Variants in SH3GL2 observed in about 807,000 individuals in gnomAD.
The protein encoded by SH3GL2 is endophilin-A1.
A neutral mutation model predicts 46.0 loss-of-function variants in SH3GL2; 24 were observed. That is an observed-to-expected ratio of 0.52 (90% CI 0.38 to 0.73). SH3GL2 has a LOEUF of 0.73. Ranked by LOEUF, SH3GL2 falls within the 30% of genes least tolerant of loss-of-function variation. The probability of loss-of-function intolerance (pLI) is 0.00; values close to 1 mark genes in which losing one functional copy is unlikely to be tolerated. For synonymous variants in SH3GL2, 196 were observed against 147.1 expected, an observed-to-expected ratio of 1.33 and a Z score of -2.40; for missense variants, 413 against 424.2, an observed-to-expected ratio of 0.97 and a Z score of 0.23.
chr9:17,610,545 T>C (rs1241259317), intron 1 of SH3GL2, among the ~76,000 whole-genome samples: 1 of 152,230 alleles, frequency 6.6e-6, no homozygotes, highest in Non-Finnish European at 1.5e-5. Flanking sequence ...GAGTGCACAC[T>C]GCAATGGGAA....
At chr9:17,750,328 CAAAATGAAATAAATTAG>C (rs564112773) in intron 2 of SH3GL2, among the ~76,000 whole-genome samples, 1,526 of 152,052 alleles carry the variant, frequency 0.01, 16 homozygotes, top group Non-Finnish European at 0.017. Flanking sequence ...AATTAGATAA[CAAAATGAAATAAATTAG>C]AGGTTTGCTT....
intron 1 of SH3GL2, among the ~76,000 whole-genome samples, chr9:17,584,592 T>C (rs1818337826): frequency 6.6e-6 from 1 of 152,220 alleles, no homozygotes; most frequent in Non-Finnish European, 1.5e-5. Context: ...TACTGGGCTT[T>C]AGGATGCCTG....
intron 3 of SH3GL2, among the ~76,000 whole-genome samples, chr9:17,785,294 G>T (rs1370617295): frequency 6.6e-6 from 1 of 152,142 alleles, no homozygotes; most frequent in African/African-American, 2.4e-5. Context: ...TTTTAAAATA[G>T]ACTCTACCCT....
chr9:17,743,063 A>C (rs549342821), intron 1 of SH3GL2, among the ~76,000 whole-genome samples: 67 of 152,360 alleles, frequency 4.4e-4, no homozygotes, highest in African/African-American at 1.6e-3. Context: ...AAACAGTACC[A>C]GGTAAGGAGA....
rs529622803 is a variant in SH3GL2, at chr9:17,745,954, T to A, written c.46-1112T>A. On this transcript the variant is annotated intron_variant, in intron 1 of 8. Transcript: ENST00000380607. ...TACAATTAGGGTATTTTAAAGGGAA[T>A]GAAAAGGTCTTCGTGCCATTAACAT... Among the ~76,000 whole-genome samples, 12 of 152,348 alleles carry A rather than the reference T, an allele frequency of 7.9e-5. No homozygotes were observed. In the East Asian group the frequency reaches 1.7e-3, roughly 22 times the overall value.
intron 1 of SH3GL2, among the ~76,000 whole-genome samples, chr9:17,696,647 C>G (rs1424899665): frequency 6.6e-6 from 1 of 152,154 alleles, no homozygotes; most frequent in African/African-American, 2.4e-5. Flanking sequence ...TGAAAACTCA[C>G]TCACTATAAT....
Position 17,747,120 on chromosome 9 carries a change from A to C in SH3GL2, c.100A>C (p.Lys34Gln). The change falls in exon 2 of 9, where the codon AAA becomes CAA. Residue 34 changes from lysine to glutamine, a missense_variant. By Grantham distance (53) the Lys-to-Gln change is moderately conservative. Around this residue, in one of 3 missense-constraint regions of SH3GL2, gnomAD observed 160 missense variants for 192.3 expected, o/e 0.83. Transcript: ENST00000380607. ...AGGAACCAAGCTAGATGATGACTTC[A>C]AAGAGATGGAAAGGGTAAGCCTTCA... ...AEGTKLDDDF[K>Q]EMERKVDVTS... is the part of the protein sequence containing the mutation. 5.6e-6 allele frequency: 9 copies of C among 1,604,702 alleles called. No individual in the cohort carries two copies. The highest frequency in any genetic ancestry group is 7.7e-6 in the Non-Finnish European group (9 of 1,171,694).
At chr9:17,608,841 C>G (rs771742211) in intron 1 of SH3GL2, among the ~76,000 whole-genome samples, 1 of 152,202 alleles carries the variant, frequency 6.6e-6, no homozygotes, top group Non-Finnish European at 1.5e-5. Context: ...TTTAATCAAT[C>G]CTTTTTATTT....
At chr9:17,724,855 AC>A (rs1821983645) in intron 1 of SH3GL2, among the ~76,000 whole-genome samples, 1 of 152,026 alleles carries the variant, frequency 6.6e-6, no homozygotes, top group South Asian at 2.1e-4. Context: ...CGTAGGAGTC[AC>A]CCCTGGGTCT....
chr9:17,656,514 G>A (rs1820080988), intron 1 of SH3GL2, among the ~76,000 whole-genome samples: 1 of 151,884 alleles, frequency 6.6e-6, no homozygotes, highest in Admixed American at 6.6e-5. Context: ...ATGATCTGTT[G>A]CATTTACAAT....
chr9:17,788,819 G>T (rs977074464), intron 5 of SH3GL2, among the ~76,000 whole-genome samples: 2 of 152,132 alleles, frequency 1.3e-5, no homozygotes, highest in Non-Finnish European at 2.9e-5. Context: ...GTCAGCTGGG[G>T]CAAGTGTTAA....
intron 2 of SH3GL2, among the ~76,000 whole-genome samples, chr9:17,758,350 C>G (rs546413729): frequency 3.2e-4 from 48 of 151,906 alleles, no homozygotes; most frequent in African/African-American, 1.1e-3. Context: ...CACTTGAGGC[C>G]AGGAGTTCGA....
At chr9:17,680,211 C>G (rs1286919391) in intron 1 of SH3GL2, among the ~76,000 whole-genome samples, 3 of 152,118 alleles carry the variant, frequency 2.0e-5, no homozygotes, top group Non-Finnish European at 2.9e-5. Context: ...ATGGTACCAG[C>G]TCCTCTTTGT....
chr9:17,630,881 A>G (rs1819405218), intron 1 of SH3GL2, among the ~76,000 whole-genome samples: 1 of 152,164 alleles, frequency 6.6e-6, no homozygotes, highest in African/African-American at 2.4e-5. Flanking sequence ...GACCTATAAA[A>G]ATTCCTTCAC....
chr9:17,758,560 T>TCAAAAAAAA (rs1823072229), intron 2 of SH3GL2, among the ~76,000 whole-genome samples: 1 of 6,172 alleles, frequency 1.6e-4, no homozygotes, highest in Non-Finnish European at 3.9e-4. Context: ...AGACCCTGTC[T>TCAAAAAAAA]CAAAAAAAAA....
In SH3GL2 at chr9:17,672,210, A is replaced by G. The variant is rs148404142; in HGVS notation, c.46-74856A>G. On this transcript the variant is annotated intron_variant, in intron 1 of 8. Coordinates refer to ENST00000380607, the MANE Select transcript of SH3GL2 (RefSeq NM_003026.5). Reference sequence around the variant, plus strand: ...ATTAAAAAGGTGCATACAGATATGTATGTAGTGTGGTTTGGCAATAGTTAA... The same window carrying G: ...ATTAAAAAGGTGCATACAGATATGTGTGTAGTGTGGTTTGGCAATAGTTAA... Among the ~76,000 whole-genome samples, 313 of 152,316 alleles carry G rather than the reference A, an allele frequency of 2.1e-3. 1 individual carries two copies. The highest frequency in any genetic ancestry group is 7.2e-3 in the African/African-American group (298 of 41,566).
intron 1 of SH3GL2, among the ~76,000 whole-genome samples, chr9:17,714,370 A>G (rs1344792699): frequency 6.6e-6 from 1 of 151,760 alleles, no homozygotes; most frequent in Non-Finnish European, 1.5e-5. Flanking sequence ...ATGATTATTC[A>G]TATCTTTAGG....
intron 1 of SH3GL2, among the ~76,000 whole-genome samples, chr9:17,674,760 C>G (rs1820566772): frequency 6.6e-6 from 1 of 152,158 alleles, no homozygotes; most frequent in Non-Finnish European, 1.5e-5. Flanking sequence ...GCTGTCAGCT[C>G]TGCCTCCCTC....
intron 3 of SH3GL2, among the ~76,000 whole-genome samples, chr9:17,767,182 T>C (rs1823342176): frequency 6.6e-6 from 1 of 152,250 alleles, no homozygotes; most frequent in Admixed American, 6.5e-5. Flanking sequence ...TGGAAATGCT[T>C]TTCCCTTGAA....
Sources: allele counts gnomAD v4.1 joint callset (sites outside exome capture counted in the v4.1 genomes callset), GRCh38; gene constraint gnomAD v4.1.1; regional missense constraint gnomAD v4.1.1; transcripts MANE v1.5; gene names NCBI Gene and HGNC (gene_info 2026-07-23, HGNC 2026-07-21).